Variants in NPIPB15 observed in about 807,000 individuals in gnomAD.
NPIPB15 encodes nuclear pore complex interacting protein family member B15.
A neutral mutation model predicts 35.9 loss-of-function variants in NPIPB15; 5 were observed. The ratio of observed to expected loss-of-function variants is 0.14; its 90% CI spans 0.07 to 0.29. NPIPB15 has a LOEUF of 0.29. NPIPB15 is among the 10% of genes least tolerant of loss of function. NPIPB15 has a pLI of 1.00. For missense variants in NPIPB15, 100 were observed against 506.1 expected (o/e 0.20, Z 7.70); for synonymous variants, 43 against 182.0 (o/e 0.24, Z 6.15).
intron 5 of NPIPB15, among the ~76,000 whole-genome samples, chr16:74,387,138 C>T (rs1243686411): frequency 2.0e-5 from 3 of 151,936 alleles, no homozygotes; most frequent in Non-Finnish European, 4.4e-5. Context: ...CAGGCTCAGT[C>T]CCTAGAAAGG....
chr16:74,388,874 C>A (rs1305366408), intron 5 of NPIPB15: 1 of 957,614 alleles, frequency 1.0e-6, no homozygotes, highest in Non-Finnish European at 1.2e-6. Context: ...TTGTTTATAA[C>A]CTCTGTACAA....
Position 74,376,669 on chromosome 16 carries a change from A to T in NPIPB15, c.-700A>T, listed in dbSNP as rs1354692259. On this transcript the variant is annotated 5_prime_UTR_variant, in exon 1 of 8. Transcript: ENST00000692376. Reference sequence around the variant, plus strand: ...CAGTAAGATGATTATAGATAAGGACATCATCACTCGGTTTCAGATGTTAAA... The same window carrying T: ...CAGTAAGATGATTATAGATAAGGACTTCATCACTCGGTTTCAGATGTTAAA... 6.6e-6 allele frequency among the ~76,000 whole-genome samples: 1 copy of T among 152,156 alleles called. No individual in the cohort carries two copies. The highest frequency in any genetic ancestry group is 1.5e-5 in the Non-Finnish European group (1 of 68,042).
intron 3 of NPIPB15, among the ~76,000 whole-genome samples, chr16:74,382,419 C>G (rs1185693525): frequency 6.6e-6 from 1 of 151,212 alleles, no homozygotes; most frequent in African/African-American, 2.4e-5. Context: ...TCTCTTAGAA[C>G]TGCCCTCCAA....
At chr16:74,378,841 T>C (rs376328400) in intron 2 of NPIPB15, among the ~76,000 whole-genome samples, 2,263 of 149,980 alleles carry the variant, frequency 0.015, 15 homozygotes, top group African/African-American at 0.054. Context: ...TCCCTTGTTG[T>C]CCAGGCTGGA....
intron 5 of NPIPB15, among the ~76,000 whole-genome samples, chr16:74,389,289 T>G (rs1236878587): frequency 3.3e-5 from 5 of 150,804 alleles, no homozygotes; most frequent in Non-Finnish European, 7.4e-5. Flanking sequence ...GGAAGGAAAC[T>G]ATCATCTCAG....
At chr16:74,377,569 C>T (rs549822024) in intron 1 of NPIPB15, among the ~76,000 whole-genome samples, 98 of 152,118 alleles carry the variant, frequency 6.4e-4, no homozygotes, top group South Asian at 2.7e-3. Flanking sequence ...TTTTGTCTCC[C>T]TCTAATTGCT....
At chr16:74,377,897 C>A (rs1380909719) in intron 1 of NPIPB15, 55 bp from the exon 2 acceptor site, 1 of 800,796 alleles carries the variant, frequency 1.2e-6, no homozygotes, top group Non-Finnish European at 1.9e-6. Flanking sequence ...CGGTCCCCGT[C>A]CCCTTCCCTC....
intron 3 of NPIPB15, among the ~76,000 whole-genome samples, chr16:74,383,787 G>A (rs1034600468): frequency 8.6e-5 from 13 of 151,976 alleles, no homozygotes; most frequent in African/African-American, 2.7e-4. Flanking sequence ...ATGGTAGCAG[G>A]CACCTATAAT....
chr16:74,376,345 C>T lies in NPIPB15; in HGVS notation c.-1024C>T, dbSNP rs1164096162. Among the ~76,000 whole-genome samples the T allele has an allele frequency of 2.0e-5, 3 of 151,734 alleles. No individual in the cohort carries two copies. In the Admixed American group the frequency reaches 2.0e-4, roughly 10 times the overall value. ...TTTGGGCACACTCTGTGTGATCGGG[C>T]AGAAGGCCTGTGGGAAGTTCAGCTG... On this transcript the variant is annotated 5_prime_UTR_variant, in exon 1 of 8. Coordinates refer to ENST00000692376, the MANE Select transcript of NPIPB15 (RefSeq NM_001306094.2).
At chr16:74,379,219 C>A (rs1263760801) in intron 2 of NPIPB15, among the ~76,000 whole-genome samples, 1 of 152,206 alleles carries the variant, frequency 6.6e-6, no homozygotes, top group African/African-American at 2.4e-5. Flanking sequence ...GCATGCCATG[C>A]CATAGGTACT....
intron 2 of NPIPB15, among the ~76,000 whole-genome samples, chr16:74,378,319 G>C (rs563351421): frequency 2.0e-5 from 3 of 150,650 alleles, no homozygotes; most frequent in East Asian, 3.9e-4. Flanking sequence ...GGAGCTGGAC[G>C]TTGCAGTGAG....
intron 5 of NPIPB15, among the ~76,000 whole-genome samples, chr16:74,386,525 C>A (rs2012292077): frequency 8.0e-6 from 1 of 124,248 alleles, no homozygotes; most frequent in Non-Finnish European, 1.6e-5. Flanking sequence ...GTGGCATGAT[C>A]TTGGCTCACT....
intron 3 of NPIPB15, among the ~76,000 whole-genome samples, chr16:74,384,921 T>A (rs1161885540): frequency 2.6e-5 from 4 of 151,220 alleles, no homozygotes; most frequent in African/African-American, 9.7e-5. Flanking sequence ...CCTCAGGTGA[T>A]CCACCTGCCT....
chr16:74,387,673 G>A (rs1227645602), intron 5 of NPIPB15, among the ~76,000 whole-genome samples: 18 of 152,136 alleles, frequency 1.2e-4, no homozygotes, highest in African/African-American at 4.3e-4. Flanking sequence ...GTGGGGACAG[G>A]ACCCTGCTCC....
Position 74,388,936 on chromosome 16 carries a change from C to G in NPIPB15, c.546-889C>G, listed in dbSNP as rs939440214. On this transcript the variant is annotated intron_variant, in intron 5 of 7. Transcript: ENST00000692376. ...AGAAACAAATGGTCAGAAGACCTATCGTGAGAGAGAGAGAGAGTTCACAAA... is the reference window on the plus strand; with the variant it reads ...AGAAACAAATGGTCAGAAGACCTATGGTGAGAGAGAGAGAGAGTTCACAAA... 1.2e-5 allele frequency: 11 copies of G among 901,114 alleles called. No homozygotes were observed. The African/African-American group carries it at 1.9e-4, about 15-fold the overall frequency. 55.8% of individuals were successfully genotyped at this position (901,114 alleles called of 1,614,324 possible). A position where few individuals can be genotyped will look rare whatever the true frequency, so the allele number is the denominator to read the frequency against.
chr16:74,376,458 A>G lies in NPIPB15; in HGVS notation c.-911A>G, dbSNP rs1402353671. ...CCTGCCCACCTGCTTGGAGCTCCCC[A>G]CCCATCACACATGATGCTGCCAAGC... On this transcript the variant is annotated 5_prime_UTR_variant, in exon 1 of 8. Coordinates refer to ENST00000692376, the MANE Select transcript of NPIPB15 (RefSeq NM_001306094.2). Among the ~76,000 whole-genome samples, 1 of 149,900 alleles carries G rather than the reference A, an allele frequency of 6.7e-6. No homozygotes were observed. The highest frequency in any genetic ancestry group is 1.5e-5 in the Non-Finnish European group (1 of 67,592).
intron 5 of NPIPB15, among the ~76,000 whole-genome samples, chr16:74,386,313 A>G (rs1216943135): frequency 1.6e-5 from 2 of 126,074 alleles, no homozygotes; most frequent in African/African-American, 3.1e-5. Context: ...TTAAATTTTG[A>G]GATAGAATCT....
rs1452282864 is a variant in NPIPB15 at position 74,386,640 on chromosome 16, GTA to G, written c.545+892_545+893del. Among the ~76,000 whole-genome samples the G allele has an allele frequency of 2.0e-5, 3 of 151,156 alleles. No individual in the cohort carries two copies. The East Asian group carries it at 6.0e-4, about 30-fold the overall frequency. Reference sequence around the variant, plus strand: ...TGCCCGGATAATTTTTGTATTCTTAGTAGAGGCGGGGTTTCACCATATTGGCC... The same window carrying G: ...TGCCCGGATAATTTTTGTATTCTTAGGAGGCGGGGTTTCACCATATTGGCC... On this transcript the variant is annotated intron_variant, in intron 5 of 7. Transcript: ENST00000692376.
intron 3 of NPIPB15, among the ~76,000 whole-genome samples, chr16:74,384,656 C>G (rs1450510987): frequency 7.0e-6 from 1 of 142,966 alleles, no homozygotes. Context: ...CGTGAGCTAC[C>G]GCACCTGGCC....
Sources: gnomAD v4.1 joint callset for allele counts (sites outside exome capture counted in the v4.1 genomes callset) on GRCh38, gnomAD v4.1.1 for gene constraint, MANE v1.5 for transcripts, NCBI Gene and HGNC (gene_info 2026-07-23, HGNC 2026-07-21) for gene names.